Variants in SYT7 observed in about 807,000 individuals in gnomAD.
SYT7 encodes the protein synaptotagmin 7.
A neutral mutation model predicts 75.1 loss-of-function variants in SYT7; 29 were observed. The ratio of observed to expected loss-of-function variants is 0.39; its 90% CI spans 0.29 to 0.53. SYT7 has a LOEUF of 0.53. Ranked by LOEUF, SYT7 falls within the 20% of genes least tolerant of loss-of-function variation. SYT7 has a pLI of 0.77. For missense variants in SYT7, 693 were observed against 953.2 expected (o/e 0.73, Z 3.59); for synonymous variants, 376 against 401.7 (o/e 0.94, Z 0.76).
chr11:61,546,400 G>A lies in SYT7; in HGVS notation c.348-145C>T, dbSNP rs919517895. On this transcript the variant is annotated intron_variant, in intron 4 of 12. Transcript: ENST00000539008. This position sits in a 1 kb window ranked among gnomAD's most constrained non-coding sequence, Gnocchi z 7.6. Reference sequence around the variant, plus strand: ...AAGGAAGAAAGAGACAGTGAGAGAGGAGGAGGAGAGAGACAGACGGACATG... The same window carrying A: ...AAGGAAGAAAGAGACAGTGAGAGAGAAGGAGGAGAGAGACAGACGGACATG... 10 of 587,696 alleles carry A rather than the reference G, an allele frequency of 1.7e-5. No homozygotes were observed. The highest frequency in any genetic ancestry group is 2.7e-5 in the Non-Finnish European group (9 of 338,904). 36.4% of individuals were successfully genotyped at this position (587,696 alleles called of 1,614,324 possible). A position where few individuals can be genotyped will look rare whatever the true frequency, so the allele number is the denominator to read the frequency against.
upstream of SYT7, chr11:61,581,196 C>A (rs977555289): frequency 1.0e-3 from 153 of 147,586 alleles, no homozygotes; most frequent in Non-Finnish European, 2.0e-3. Context: ...CGGCCACAGC[C>A]ACCGCCTGCG....
At chr11:61,527,893 G>A (rs1425690922) in intron 9 of SYT7, 22 bp downstream of exon 9, 2 of 1,610,906 alleles carry the variant, frequency 1.2e-6, no homozygotes, top group Non-Finnish European at 8.5e-7. Context: ...ACCATGGCGG[G>A]GGAAGGTGGC....
At chr11:61,574,622 CT>C (rs1290367910) in intron 1 of SYT7, among the ~76,000 whole-genome samples, 4 of 151,722 alleles carry the variant, frequency 2.6e-5, no homozygotes, top group Non-Finnish European at 5.9e-5. Flanking sequence ...GACCCCCATC[CT>C]TGGATGGGGG....
intron 1 of SYT7, among the ~76,000 whole-genome samples, chr11:61,566,483 C>A (rs574942971): frequency 6.6e-6 from 1 of 152,358 alleles, no homozygotes; most frequent in African/African-American, 2.4e-5. Flanking sequence ...CAGCTCTGAG[C>A]TGGGAGCCCA....
At chr11:61,541,288 T>C (rs2063034912) in intron 6 of SYT7, 1 of 984,818 alleles carries the variant, frequency 1.0e-6, no homozygotes. Context: ...ATGGGAACAA[T>C]CCCCAGGGCC....
At chr11:61,545,317 C>T (rs2063151176) in intron 5 of SYT7, among the ~76,000 whole-genome samples, 1 of 152,178 alleles carries the variant, frequency 6.6e-6, no homozygotes, top group African/African-American at 2.4e-5. Context: ...TGACATCTGG[C>T]AAGTGAAGCT....
At chr11:61,587,646 G>C in the SYT7 span, among the ~76,000 whole-genome samples, 1 of 152,276 alleles carries the variant, frequency 6.6e-6, no homozygotes, top group African/African-American at 2.4e-5. Flanking sequence ...TTCCTGGGGG[G>C]CGGGGGACGA....
At position 61,546,954 on chromosome 11, in the gene SYT7, T is replaced by C. The variant is rs564785864; in HGVS notation, c.347+223A>G. On this transcript the variant is annotated intron_variant, in intron 4 of 12. Transcript: ENST00000539008. This position sits in a 1 kb window ranked among gnomAD's most constrained non-coding sequence, Gnocchi z 7.6. The stretch of plus-strand genomic sequence containing the variant: ...GGGGGCTCTCCTGCAAGGCTGGCCC[T>C]GGGGGAGGGGACGGGAGCGGGCAGG... Among the ~76,000 whole-genome samples the C allele has an allele frequency of 6.7e-6, 1 of 149,770 alleles. No individual in the cohort carries two copies. Among genetic ancestry groups the C allele is most frequent in the South Asian group, 2.1e-4 (1 of 4,688 alleles).
chr11:61,523,008 G>A lies in SYT7; in HGVS notation c.1956+67C>T. On this transcript the variant is annotated intron_variant, in intron 12 of 12. Transcript: ENST00000539008. The surrounding 1 kb of genome is among the most constrained non-coding windows in gnomAD (Gnocchi z 5.0). Reference sequence around the variant, plus strand: ...CCTGTGCCCGTCCACTACCCCCGCTGCTTCTTTTAAGGAACGGAGCCTCAC... The same window carrying A: ...CCTGTGCCCGTCCACTACCCCCGCTACTTCTTTTAAGGAACGGAGCCTCAC... The A allele has an allele frequency of 1.9e-6, 3 of 1,553,662 alleles. No individual in the cohort carries two copies. The highest frequency in any genetic ancestry group is 2.7e-6 in the Non-Finnish European group (3 of 1,127,422).
At chr11:61,584,765 G>T (rs1287536554), upstream of SYT7, among the ~76,000 whole-genome samples, 6 of 152,194 alleles carry the variant, frequency 3.9e-5, no homozygotes, top group Non-Finnish European at 7.3e-5. Flanking sequence ...GAGTGAGCAG[G>T]TCCTCTGAGG....
intron 12 of SYT7, among the ~76,000 whole-genome samples, chr11:61,522,378 C>T (rs1227582846): frequency 1.3e-5 from 2 of 151,664 alleles, no homozygotes; most frequent in African/African-American, 2.4e-5. Flanking sequence ...TTAGTAGAGA[C>T]GGGGTTTCAC....
In SYT7 at chr11:61,538,212, G is replaced by A. The variant is rs1364002254; in HGVS notation, c.996C>T (p.Asp332=). The change falls in exon 7 of 13, where the codon GAC becomes GAT. Residue 332 remains aspartate, a synonymous_variant. Coordinates refer to ENST00000539008, the MANE Select transcript of SYT7 (RefSeq NM_001365809.2). ...TTTGCAGGTCAGGGATATTGGCAAA[G>A]TCATCCTGTTCCGAAAGCCCTAAGA... ...SLVLGLSEQD[D]FANIPDLQNP... The A allele has an allele frequency of 6.5e-7, 1 of 1,535,960 alleles. No homozygotes were observed. Among genetic ancestry groups the A allele is most frequent in the African/African-American group, 1.4e-5 (1 of 73,032 alleles).
intron 8 of SYT7, among the ~76,000 whole-genome samples, chr11:61,530,435 C>G (rs1004581374): frequency 1.3e-5 from 2 of 152,226 alleles, no homozygotes; most frequent in Non-Finnish European, 2.9e-5. Flanking sequence ...CTCATGCCAG[C>G]CCCACACCCT....
At chr11:61,525,960 G>A (rs1318631572) in intron 9 of SYT7, 1 of 152,424 alleles carries the variant, frequency 6.6e-6, no homozygotes, top group Non-Finnish European at 1.5e-5. Context: ...TTAGTCAGAG[G>A]TGGGACTGGC....
chr11:61,584,390 G>A (rs1379370763), upstream of SYT7, among the ~76,000 whole-genome samples: 34 of 70,888 alleles, frequency 4.8e-4, no homozygotes, highest in South Asian at 7.4e-3. Context: ...ATGAGACTCC[G>A]TCTCAAAAAA....
At position 61,533,094 on chromosome 11, in the gene SYT7, T is replaced by C. The variant is rs2062759578; in HGVS notation, c.1095A>G (p.Thr365=). The part of the protein sequence containing the change: ...RLPAGGKAVN[T]APVPGQTPHD... ...GGGGTGTCTGGCCTGGCACGGGGGC[T>C]GTGTTCACCGCCTTCCCTCCTGCAG... Residue 365 remains threonine, a synonymous_variant, in exon 8 of 13, where the codon ACA becomes ACG. Coordinates refer to ENST00000539008, the MANE Select transcript of SYT7 (RefSeq NM_001365809.2). The C allele has an allele frequency of 6.2e-7, 1 of 1,608,956 alleles. No homozygotes were observed. The highest frequency in any genetic ancestry group is 8.5e-7 in the Non-Finnish European group (1 of 1,178,220).
chr11:61,523,801 C>T lies in SYT7; in HGVS notation c.1756+26G>A. On this transcript the variant is annotated intron_variant, in intron 11 of 12. Coordinates refer to ENST00000539008, the MANE Select transcript of SYT7 (RefSeq NM_001365809.2). This position sits in a 1 kb window ranked among gnomAD's most constrained non-coding sequence, Gnocchi z 5.0. ...GTCACCAGCACCTCCCCGGCCCGCC[C>T]ATCCTCTGCTGGAGAAGCCCCGTAC... The T allele has an allele frequency of 6.2e-7, 1 of 1,607,578 alleles. No homozygotes were observed. Among genetic ancestry groups the T allele is most frequent in the East Asian group, 2.2e-5 (1 of 44,810 alleles).
At chr11:61,525,057 C>T (rs745346079) in intron 9 of SYT7, among the ~76,000 whole-genome samples, 30 of 152,206 alleles carry the variant, frequency 2.0e-4, no homozygotes, top group Admixed American at 4.6e-4. Context: ...CTCCACACCC[C>T]TCTCCTCCTG....
rs759761008 is a variant in SYT7, at chr11:61,523,810, C to T, written c.1756+17G>A. ...ACCTCCCCGGCCCGCCCATCCTCTGCTGGAGAAGCCCCGTACCTGATGTGC... is the reference window on the plus strand; with the variant it reads ...ACCTCCCCGGCCCGCCCATCCTCTGTTGGAGAAGCCCCGTACCTGATGTGC... On this transcript the variant is annotated intron_variant, in intron 11 of 12. Transcript: ENST00000539008. The surrounding 1 kb of genome is among the most constrained non-coding windows in gnomAD (Gnocchi z 5.0). The T allele has an allele frequency of 6.2e-7, 1 of 1,612,378 alleles. No homozygotes were observed. The highest frequency in any genetic ancestry group is 1.1e-5 in the South Asian group (1 of 91,038).
Sources: allele counts gnomAD v4.1 joint callset (sites outside exome capture counted in the v4.1 genomes callset), GRCh38; gene constraint gnomAD v4.1.1; non-coding constraint Gnocchi (gnomAD v3.1); transcripts MANE v1.5; gene names NCBI Gene and HGNC (gene_info 2026-07-23, HGNC 2026-07-21).